FOXN2: variants seen among roughly 807,000 people sequenced by gnomAD.
FOXN2 encodes the protein forkhead box protein N2.
In FOXN2, 19 loss-of-function variants were observed where a neutral mutation model predicts 41.2. The observed-to-expected ratio is 0.46, with a 90% CI of 0.32 to 0.68. The LOEUF is 0.68. FOXN2 is among the 30% of genes least tolerant of loss of function. The pLI, the probability that FOXN2 is intolerant of heterozygous loss-of-function variation, is 0.03. For missense variants in FOXN2, 587 were observed against 509.4 expected (o/e 1.15, Z -1.47); for synonymous variants, 195 against 176.8 (o/e 1.10, Z -0.82).
intron 2 of FOXN2, among the ~76,000 whole-genome samples, chr2:48,340,369 A>G (rs1326459577): frequency 6.6e-6 from 1 of 152,172 alleles, no homozygotes; most frequent in Admixed American, 6.5e-5. Flanking sequence ...ATGCTCTCCT[A>G]TGACCTTTTG....
chr2:48,336,991 A>G (rs1046111965), intron 2 of FOXN2, among the ~76,000 whole-genome samples: 4 of 152,116 alleles, frequency 2.6e-5, no homozygotes, highest in African/African-American at 9.7e-5. Flanking sequence ...ATTTAAAAAT[A>G]TACAAATAAG....
chr2:48,329,860 TA>T (rs1669922160), intron 2 of FOXN2, among the ~76,000 whole-genome samples: 1 of 152,112 alleles, frequency 6.6e-6, no homozygotes, highest in Non-Finnish European at 1.5e-5. Flanking sequence ...ACATGAGGTT[TA>T]CCAGTGTTTT....
intron 1 of FOXN2, among the ~76,000 whole-genome samples, chr2:48,321,638 C>T (rs1669328953): frequency 6.6e-6 from 1 of 151,184 alleles, no homozygotes; most frequent in East Asian, 1.9e-4. Flanking sequence ...TTATTTAGTA[C>T]ATTTTATGTG....
At chr2:48,318,218 A>G (rs1484769135) in intron 1 of FOXN2, among the ~76,000 whole-genome samples, 2 of 152,244 alleles carry the variant, frequency 1.3e-5, no homozygotes, top group East Asian at 1.9e-4. Flanking sequence ...TTACAGTACT[A>G]TTAACTACAT....
chr2:48,362,515 G>A (rs1672255253), intron 4 of FOXN2, 128 bp from the exon 5 acceptor site: 2 of 722,372 alleles, frequency 2.8e-6, no homozygotes, highest in African/African-American at 1.8e-5. Context: ...GCTGCAGTAG[G>A]CTGAAATCAT....
intron 1 of FOXN2, among the ~76,000 whole-genome samples, chr2:48,321,222 A>G (rs1218121922): frequency 2.0e-5 from 3 of 152,072 alleles, no homozygotes; most frequent in Non-Finnish European, 4.4e-5. Flanking sequence ...GGGGTGGGAA[A>G]TTTTGACCAG....
At chr2:48,315,721 C>T (rs1370295205) in intron 1 of FOXN2, among the ~76,000 whole-genome samples, 1 of 152,192 alleles carries the variant, frequency 6.6e-6, no homozygotes, top group East Asian at 1.9e-4. Context: ...TAACTCCACC[C>T]CCTTTTGCAC....
At chr2:48,322,668 C>A (rs975505056) in intron 1 of FOXN2, among the ~76,000 whole-genome samples, 6 of 150,196 alleles carry the variant, frequency 4.0e-5, no homozygotes, top group African/African-American at 1.5e-4. Flanking sequence ...ATTTTAAATT[C>A]TTTCTTGAGC....
intron 5 of FOXN2, among the ~76,000 whole-genome samples, chr2:48,371,552 A>G (rs533167245): frequency 1.3e-5 from 2 of 152,018 alleles, no homozygotes; most frequent in Non-Finnish European, 2.9e-5. Context: ...TTTTGCCTCC[A>G]GTTTTGTTCT....
Position 48,373,346 on chromosome 2 carries a change from A to C in FOXN2, c.758A>C (p.Gln253Pro). The C allele has an allele frequency of 6.3e-7, 1 of 1,580,846 alleles. No homozygotes were observed. The highest frequency in any genetic ancestry group is 8.6e-7 in the Non-Finnish European group (1 of 1,166,342). Reference protein sequence around the residue: ...AMMLLNTSIEQGILECEKPLP... With the variant: ...AMMLLNTSIEPGILECEKPLP... ...ATGCTTTTAAATACTTCTATAGAACAAGGAATTTTAGAATGTAAGTAATCA... is the reference window on the plus strand; with the variant it reads ...ATGCTTTTAAATACTTCTATAGAACCAGGAATTTTAGAATGTAAGTAATCA... The change falls in exon 6 of 7, where the codon CAA becomes CCA. Residue 253 changes from glutamine (Q) to proline (P), a missense_variant. Gln to Pro is a moderately conservative substitution (Grantham distance 76). Coordinates refer to ENST00000340553, the MANE Select transcript of FOXN2 (RefSeq NM_002158.4).
At position 48,358,996 on chromosome 2, in the gene FOXN2, T is replaced by C. The variant is rs749164904; in HGVS notation, c.538-51T>C. ...ACATTTATTTAAAACATTTAGACGC[T>C]GACTGTTTATGTATAAAAGTTCCTA... On this transcript the variant is annotated intron_variant, in intron 3 of 6. Transcript: ENST00000340553. 2.2e-6 allele frequency: 3 copies of C among 1,357,164 alleles called. No homozygotes were observed. In the South Asian group the frequency reaches 3.6e-5, roughly 16 times the overall value. The allele number at this position is 1,357,164 out of a possible 1,614,324, so 84.1% of individuals were successfully genotyped here.
chr2:48,344,200 C>G (rs1670950222), intron 2 of FOXN2, among the ~76,000 whole-genome samples: 2 of 152,230 alleles, frequency 1.3e-5, no homozygotes, highest in South Asian at 2.1e-4. Flanking sequence ...ACATTGTGTG[C>G]TCATATATGT....
intron 2 of FOXN2, among the ~76,000 whole-genome samples, chr2:48,339,134 C>T (rs1330671520): frequency 6.6e-6 from 1 of 152,006 alleles, no homozygotes; most frequent in African/African-American, 2.4e-5. Flanking sequence ...TATCCATATA[C>T]AGATATATAT....
intron 3 of FOXN2, among the ~76,000 whole-genome samples, chr2:48,347,426 C>G (rs536822717): frequency 6.6e-6 from 1 of 151,542 alleles, no homozygotes; most frequent in Admixed American, 6.6e-5. Context: ...TGGGGTTTTG[C>G]CATGTTGTCC....
At chr2:48,335,869 T>C (rs1345571451) in intron 2 of FOXN2, among the ~76,000 whole-genome samples, 4 of 150,178 alleles carry the variant, frequency 2.7e-5, no homozygotes, top group Non-Finnish European at 4.4e-5. Flanking sequence ...CTACTAAGAA[T>C]AGAAAAAAGT....
intron 1 of FOXN2, among the ~76,000 whole-genome samples, chr2:48,321,548 T>G (rs1368349225): frequency 1.3e-5 from 2 of 151,762 alleles, no homozygotes; most frequent in African/African-American, 4.8e-5. Context: ...AAAAAAAATT[T>G]TAGTACATTT....
At chr2:48,340,953 G>A (rs1018818877) in intron 2 of FOXN2, 1 of 152,084 alleles carries the variant, frequency 6.6e-6, no homozygotes, top group Non-Finnish European at 1.5e-5. Flanking sequence ...TACTTTTTTG[G>A]ATAGCAGTGT....
At chr2:48,342,442 C>G (rs1670838791) in intron 2 of FOXN2, among the ~76,000 whole-genome samples, 1 of 152,074 alleles carries the variant, frequency 6.6e-6, no homozygotes, top group South Asian at 2.1e-4. Context: ...AAAAGTGACA[C>G]ATTTGGAATT....
At chr2:48,348,750 G>C (rs1476755056) in intron 3 of FOXN2, among the ~76,000 whole-genome samples, 2 of 152,352 alleles carry the variant, frequency 1.3e-5, no homozygotes, top group South Asian at 4.1e-4. Context: ...GAGATGGACT[G>C]CCAATACTTT....
Sources: gnomAD v4.1 joint callset for allele counts (sites outside exome capture counted in the v4.1 genomes callset) on GRCh38, gnomAD v4.1.1 for gene constraint, MANE v1.5 for transcripts, NCBI Gene and HGNC (gene_info 2026-07-23, HGNC 2026-07-21) for gene names.